CSMD1: variants seen among roughly 807,000 people sequenced by gnomAD.
CSMD1 encodes the protein CUB and Sushi multiple domains 1, also known as CUB and sushi domain-containing protein 1.
In CSMD1, 213 loss-of-function variants were observed where a neutral mutation model predicts 417.5. The observed-to-expected ratio is 0.51, with a 90% confidence interval of 0.46 to 0.57. The LOEUF is 0.57. Among genes scored for constraint, CSMD1 ranks in the 20% least tolerant of loss-of-function variants. CSMD1 has a pLI of 0.00. For missense variants in CSMD1, 6,923 were observed against 4,529.7 expected (o/e 1.53, Z -15.17); for synonymous variants, 2,862 against 1,736.8 (o/e 1.65, Z -16.11).
chr8:3,931,047 G>T (rs372762080), intron 5 of CSMD1, among the ~76,000 whole-genome samples: 7 of 150,444 alleles, frequency 4.7e-5, no homozygotes, highest in Non-Finnish European at 8.9e-5. Flanking sequence ...CTTAACTGCG[G>T]TATGATCGCT....
At chr8:3,174,344 A>G (rs1820776111) in intron 37 of CSMD1, among the ~76,000 whole-genome samples, 1 of 152,060 alleles carries the variant, frequency 6.6e-6, no homozygotes, top group Admixed American at 6.6e-5. Flanking sequence ...GAATACAAAA[A>G]ATTAGCTGGG....
chr8:3,856,357 G>A (rs182791471), intron 5 of CSMD1, among the ~76,000 whole-genome samples: 10 of 152,200 alleles, frequency 6.6e-5, no homozygotes, highest in African/African-American at 1.4e-4. Context: ...TGTACAGCCC[G>A]CAGAACCGTG....
intron 7 of CSMD1, among the ~76,000 whole-genome samples, chr8:3,653,086 G>C (rs184663115): frequency 2.0e-5 from 3 of 152,080 alleles, no homozygotes; most frequent in Middle Eastern, 3.4e-3. Flanking sequence ...ATTCATCAAC[G>C]TCATGCTTCC....
chr8:4,850,922 T>C (rs1211356778), intron 1 of CSMD1, among the ~76,000 whole-genome samples: 1 of 144,020 alleles, frequency 6.9e-6, no homozygotes, highest in Non-Finnish European at 1.5e-5. Flanking sequence ...CCACTTTTTG[T>C]GGTTATTTTT....
chr8:3,050,219 G>T (rs887321987), intron 50 of CSMD1, among the ~76,000 whole-genome samples: 4 of 151,590 alleles, frequency 2.6e-5, no homozygotes, highest in African/African-American at 4.8e-5. Context: ...GAGTATTTCA[G>T]TGCATACCCA....
At chr8:3,658,853 T>C (rs1159395439) in intron 7 of CSMD1, among the ~76,000 whole-genome samples, 1 of 152,194 alleles carries the variant, frequency 6.6e-6, no homozygotes, top group Non-Finnish European at 1.5e-5. Flanking sequence ...TTGAAGGTTT[T>C]CTCCTAATTC....
chr8:3,607,996 C>G (rs946833918), intron 8 of CSMD1, among the ~76,000 whole-genome samples: 5 of 151,994 alleles, frequency 3.3e-5, no homozygotes, highest in Admixed American at 6.6e-5. Flanking sequence ...ATGGGAAAAC[C>G]CTGTCTCTAC....
At chr8:3,630,423 G>C (rs545349877) in intron 7 of CSMD1, among the ~76,000 whole-genome samples, 1 of 152,140 alleles carries the variant, frequency 6.6e-6, no homozygotes, top group Non-Finnish European at 1.5e-5. Flanking sequence ...AGATGAATTG[G>C]CCCAAACCAC....
chr8:3,198,177 C>T (rs1022847961), intron 33 of CSMD1, among the ~76,000 whole-genome samples: 13 of 152,198 alleles, frequency 8.5e-5, no homozygotes, highest in African/African-American at 3.1e-4. Context: ...GCATATAAGA[C>T]ACCAGGATAT....
intron 21 of CSMD1, among the ~76,000 whole-genome samples, chr8:3,349,888 T>TAC (rs869264146): frequency 1.2e-5 from 1 of 81,320 alleles, no homozygotes; most frequent in South Asian, 3.8e-4. Context: ...TCTATATATA[T>TAC]ATTTATAATA....
chr8:4,149,156 G>A (rs1475343938), intron 3 of CSMD1, among the ~76,000 whole-genome samples: 1 of 151,948 alleles, frequency 6.6e-6, no homozygotes, highest in Non-Finnish European at 1.5e-5. Flanking sequence ...TAGAGACAGG[G>A]TTTTCCCATG....
At chr8:3,911,217 T>C (rs1407924485) in intron 5 of CSMD1, among the ~76,000 whole-genome samples, 2 of 152,216 alleles carry the variant, frequency 1.3e-5, no homozygotes, top group African/African-American at 4.8e-5. Context: ...AGCATCTCTC[T>C]TGAATGCTCA....
At chr8:3,157,692 A>C (rs1819618137) in intron 39 of CSMD1, among the ~76,000 whole-genome samples, 1 of 152,254 alleles carries the variant, frequency 6.6e-6, no homozygotes, top group African/African-American at 2.4e-5. Context: ...ACCCAGACAC[A>C]CTGAGAAGAC....
chr8:3,726,340 T>G (rs1802495191), intron 6 of CSMD1, among the ~76,000 whole-genome samples: 1 of 151,974 alleles, frequency 6.6e-6, no homozygotes, highest in African/African-American at 2.4e-5. Context: ...ATAATTCCGG[T>G]AATTTATTTG....
chr8:3,210,351 C>T (rs572235771), intron 30 of CSMD1, among the ~76,000 whole-genome samples: 2 of 52,658 alleles, frequency 3.8e-5, no homozygotes, highest in Admixed American at 1.5e-4. Flanking sequence ...AATTGTGCCT[C>T]ACTCCACAGA....
intron 6 of CSMD1, among the ~76,000 whole-genome samples, chr8:3,750,896 C>A (rs2018661011): frequency 6.6e-6 from 1 of 152,096 alleles, no homozygotes; most frequent in South Asian, 2.1e-4. Flanking sequence ...CCCTCTGGAT[C>A]CAGAAAAATA....
chr8:4,967,418 A>G (rs968627825), intron 1 of CSMD1, among the ~76,000 whole-genome samples: 2 of 152,174 alleles, frequency 1.3e-5, no homozygotes, highest in African/African-American at 4.8e-5. Flanking sequence ...ATAAATAACT[A>G]CATTAGTAAG....
chr8:3,114,491 G>C (rs531261619), intron 42 of CSMD1, among the ~76,000 whole-genome samples: 2 of 150,494 alleles, frequency 1.3e-5, no homozygotes. Context: ...TCAATATATC[G>C]AAGATACTGA....
In CSMD1 at chr8:3,258,042, C is replaced by G. The variant is rs778943514; in HGVS notation, c.4153+26102G>C. The stretch of plus-strand genomic sequence containing the variant: ...GAGACTCAGCCATGGGAGATGGTGT[C>G]GAGTAGACAGACAGGGCCCCATTCT... On this transcript the variant is annotated intron_variant, in intron 26 of 69. Transcript: ENST00000635120. Among the ~76,000 whole-genome samples the G allele has an allele frequency of 3.9e-5, 6 of 151,992 alleles. No individual in the cohort carries two copies. The East Asian group carries it at 7.7e-4, about 20-fold the overall frequency.
Sources: allele counts gnomAD v4.1 joint callset (sites outside exome capture counted in the v4.1 genomes callset), GRCh38; gene constraint gnomAD v4.1.1; transcripts MANE v1.5; gene names NCBI Gene and HGNC (gene_info 2026-07-23, HGNC 2026-07-21).